Variants in GOLGA3 observed in about 807,000 individuals in gnomAD.
GOLGA3 encodes golgin A3, also known as golgin subfamily A member 3.
A neutral mutation model predicts 169.4 loss-of-function variants in GOLGA3; 75 were observed. That is an observed-to-expected ratio of 0.44 (90% CI 0.37 to 0.54). GOLGA3 has a LOEUF of 0.54. Among genes scored for constraint, GOLGA3 ranks in the 20% least tolerant of loss-of-function variants. GOLGA3 has a pLI of 0.00. For synonymous variants in GOLGA3, 824 were observed against 822.4 expected, an observed-to-expected ratio of 1.00 and a Z score of -0.03; for missense variants, 1,899 against 1,930.0, an observed-to-expected ratio of 0.98 and a Z score of 0.30.
At position 132,782,398 on chromosome 12, in the gene GOLGA3, A is replaced by G. The variant is rs76963006; in HGVS notation, c.3363T>C (p.Leu1121=). Residue 1121 remains leucine (L), a synonymous_variant, in exon 17 of 24, where the codon CTT becomes CTC. Coordinates refer to ENST00000450791, the MANE Select transcript of GOLGA3 (RefSeq NM_001389683.1). The part of the protein sequence containing the change: ...ALELEHEKGK[L]TGLGQSNAAL... ...CTGCGTTGGACTGACCGAGGCCCGT[A>G]AGCTTCCCTTTCTCGTGCTCTAATT... 2,210 of 1,614,162 alleles carry G rather than the reference A, an allele frequency of 1.4e-3. 32 individuals carry two copies. The African/African-American group carries it at 0.026, about 19-fold the overall frequency.
In GOLGA3 at chr12:132,796,710, G is replaced by A. The variant is rs1474205073; in HGVS notation, c.1939-10C>T. ...GATCCAACATGTCAGCCTGAGCCCA[G>A]GAAACTTGTTTTTAAAAAGGCAGGA... On this transcript the variant is annotated splice_polypyrimidine_tract_variant and intron_variant, in intron 9 of 23. Coordinates refer to ENST00000450791, the MANE Select transcript of GOLGA3 (RefSeq NM_001389683.1). 28 of 1,612,496 alleles carry A rather than the reference G, an allele frequency of 1.7e-5. No homozygotes were observed. The highest frequency in any genetic ancestry group is 2.4e-5 in the Non-Finnish European group (28 of 1,179,576).
At chr12:132,814,266 C>T (rs560753338) in intron 3 of GOLGA3, among the ~76,000 whole-genome samples, 6 of 152,082 alleles carry the variant, frequency 3.9e-5, no homozygotes, top group East Asian at 3.9e-4. Context: ...TGAGGTGATC[C>T]GCCCACCTCG....
intron 12 of GOLGA3, among the ~76,000 whole-genome samples, chr12:132,790,829 C>A (rs2136410195): frequency 6.6e-6 from 1 of 151,978 alleles, no homozygotes. Context: ...GGGTGGATCA[C>A]CTGAGGTCAG....
At chr12:132,774,388 C>A in intron 22 of GOLGA3, 68 bp from the exon 23 acceptor site, 2 of 1,573,248 alleles carry the variant, frequency 1.3e-6, no homozygotes, top group Non-Finnish European at 1.7e-6. Flanking sequence ...ACTAGCACAG[C>A]TTGTGGCAAA....
intron 2 of GOLGA3, among the ~76,000 whole-genome samples, chr12:132,819,345 C>T (rs1473088363): frequency 3.3e-5 from 5 of 151,948 alleles, no homozygotes; most frequent in African/African-American, 4.8e-5. Flanking sequence ...CTGGCTAACA[C>T]GGCGAAACCC....
rs5801992 is a variant in GOLGA3, at chr12:132,798,179, T to TGGG, written c.1938+158_1938+160dup. 0.016 allele frequency among the ~76,000 whole-genome samples: 593 copies of TGGG among 37,784 alleles called. 54 individuals are homozygous for TGGG. In the East Asian group the frequency reaches 0.2, roughly 13 times the overall value. 24.8% of individuals were successfully genotyped at this position (37,784 alleles called of 152,430 possible). On this transcript the variant is annotated intron_variant, in intron 9 of 23. Transcript: ENST00000450791. ...GCCCCCACAGGTGAGGGATGAGGGGTGGGGGGGGGGTCCCAAAGCCTTAAC... is the reference window on the plus strand; with the variant it reads ...GCCCCCACAGGTGAGGGATGAGGGGTGGGGGGGGGGGGGTCCCAAAGCCTTAAC...
At chr12:132,776,296 G>A (rs56182306) in intron 21 of GOLGA3, among the ~76,000 whole-genome samples, 337 of 131,724 alleles carry the variant, frequency 2.6e-3, no homozygotes, top group African/African-American at 6.3e-3. Flanking sequence ...TCCCGCCTGT[G>A]CCCAGCGCCT....
chr12:132,809,014 C>T (rs1251826640), intron 4 of GOLGA3, among the ~76,000 whole-genome samples: 1 of 152,142 alleles, frequency 6.6e-6, no homozygotes, highest in Non-Finnish European at 1.5e-5. Flanking sequence ...TGTCGGGCTG[C>T]GCTGTTATTT....
intron 1 of GOLGA3, chr12:132,826,302 C>A (rs907356623): frequency 3.9e-6 from 3 of 779,078 alleles, no homozygotes; most frequent in Non-Finnish European, 6.0e-6. Flanking sequence ...AGACAGGCAC[C>A]ACCACCTGAA....
At chr12:132,796,802 G>T in intron 9 of GOLGA3, 102 bp from the exon 10 acceptor site, 1 of 1,156,152 alleles carries the variant, frequency 8.6e-7, no homozygotes, top group Non-Finnish European at 1.2e-6. Flanking sequence ...CCTGGCATGG[G>T]CCCCATCCAC....
In GOLGA3 at chr12:132,822,046, A is replaced by G; in HGVS notation, c.83T>C (p.Leu28Pro). 1 of 1,608,092 alleles carries G rather than the reference A, an allele frequency of 6.2e-7. No individual in the cohort carries two copies. Among genetic ancestry groups the G allele is most frequent in the Non-Finnish European group, 8.5e-7 (1 of 1,177,882 alleles). Residue 28 changes from leucine (L) to proline (P), a missense_variant, in exon 2 of 24, where the codon CTG becomes CCG. Transcript: ENST00000450791. ...SGPSSLPEAP[L>P]KPPGPLVPPD... The stretch of plus-strand genomic sequence containing the variant: ...TGGCACCAGTGGGCCCGGGGGCTTC[A>G]GTGGGGCCTCGGGGAGAGACGAGGG...
Position 132,801,860 on chromosome 12 carries a change from C to G in GOLGA3, c.1707G>C (p.Ser569=), listed in dbSNP as rs778404660. ...SKLKASQAEI[S]SLQSVRQWYQ... Reference sequence around the variant, plus strand: ...ACCACTGCCGGACACTCTGCAGGGACGAGATCTCCGCCTGCGACGCCTTCA... The same window carrying G: ...ACCACTGCCGGACACTCTGCAGGGAGGAGATCTCCGCCTGCGACGCCTTCA... The change falls in exon 8 of 24, where the codon TCG becomes TCC. Residue 569 remains serine (S), a synonymous_variant. Transcript: ENST00000450791. 3.1e-6 allele frequency: 5 copies of G among 1,606,146 alleles called. No homozygotes were observed. The highest frequency in any genetic ancestry group is 4.2e-6 in the Non-Finnish European group (5 of 1,179,954).
At chr12:132,812,325 A>G (rs1354192859) in intron 4 of GOLGA3, among the ~76,000 whole-genome samples, 1 of 152,130 alleles carries the variant, frequency 6.6e-6, no homozygotes. Flanking sequence ...GCCTGCAGAC[A>G]CAACATCCCT....
chr12:132,808,133 T>C lies in GOLGA3; in HGVS notation c.936A>G (p.Gly312=), dbSNP rs1328430356. The change falls in exon 5 of 24, where the codon GGA becomes GGG. Residue 312 remains glycine, a synonymous_variant. Transcript: ENST00000450791. The part of the protein sequence containing the change: ...LAGDSVSEVD[G]NDSDSSSYSS... The stretch of plus-strand genomic sequence containing the variant: ...TGTACGATGAGCTGTCGCTGTCATT[T>C]CCATCCACCTCAGACACGCTGTCTC... The C allele has an allele frequency of 6.2e-7, 1 of 1,608,830 alleles. No homozygotes were observed. The highest frequency in any genetic ancestry group is 1.7e-5 in the Admixed American group (1 of 59,640).
chr12:132,789,011 C>T lies in GOLGA3; in HGVS notation c.2811+16G>A. The T allele has an allele frequency of 6.8e-7, 1 of 1,462,922 alleles. No individual in the cohort carries two copies. Among genetic ancestry groups the T allele is most frequent in the Non-Finnish European group, 9.1e-7 (1 of 1,093,912 alleles). 90.6% of individuals were successfully genotyped at this position (1,462,922 alleles called of 1,614,324 possible). ...GAATCCTCCCCATCAAATGAGTCAA[C>T]CCGACACGGACAGACCTGCAAGTGT... On this transcript the variant is annotated intron_variant, in intron 13 of 23. Coordinates refer to ENST00000450791, the MANE Select transcript of GOLGA3 (RefSeq NM_001389683.1).
chr12:132,779,730 GGCACACACGTGC>G (rs538569996), intron 18 of GOLGA3, among the ~76,000 whole-genome samples: 69 of 149,298 alleles, frequency 4.6e-4, no homozygotes, highest in Non-Finnish European at 8.1e-4. Context: ...CCACAGCCCA[GGCACACACGTGC>G]GCACACACAC....
At chr12:132,773,428 CACAGAAGCTCA>C in intron 23 of GOLGA3, 134 bp from the exon 24 acceptor site, 1 of 528,150 alleles carries the variant, frequency 1.9e-6, no homozygotes, top group South Asian at 2.6e-5. Context: ...CAACTGAGAC[CACAGAAGCTCA>C]GCTGTTCTCA....
At chr12:132,780,573 C>T (rs1000231201) in intron 18 of GOLGA3, among the ~76,000 whole-genome samples, 3 of 152,370 alleles carry the variant, frequency 2.0e-5, no homozygotes, top group Non-Finnish European at 4.4e-5. Context: ...CACATGCACG[C>T]GGAGCTCATT....
At chr12:132,798,734 A>T (rs1948992804) in intron 8 of GOLGA3, among the ~76,000 whole-genome samples, 1 of 152,232 alleles carries the variant, frequency 6.6e-6, no homozygotes, top group African/African-American at 2.4e-5. Flanking sequence ...TGCGGTTTGT[A>T]GCAGGACCTA....
Sources: gnomAD v4.1 joint callset for allele counts (sites outside exome capture counted in the v4.1 genomes callset) on GRCh38, gnomAD v4.1.1 for gene constraint, MANE v1.5 for transcripts, NCBI Gene and HGNC (gene_info 2026-07-23, HGNC 2026-07-21) for gene names.